The following XPO1 variants were observed in gnomAD, a reference collection of about 807,000 sequenced individuals.
XPO1 encodes the protein exportin-1.
A neutral mutation model predicts 133.3 loss-of-function variants in XPO1; 5 were observed. The ratio of observed to expected loss-of-function variants is 0.04; its 90% confidence interval spans 0.02 to 0.08. The LOEUF (loss-of-function observed/expected upper bound fraction) is 0.08. XPO1 is among the 10% of genes least tolerant of loss of function. XPO1 has a pLI of 1.00. For synonymous variants in XPO1, 419 were observed against 408.2 expected (o/e 1.03, Z -0.32); for missense variants, 506 against 1,267.5 (o/e 0.40, Z 9.12).
intron 12 of XPO1, 26 bp from the exon 13 acceptor site, chr2:61,493,079 G>A (rs1573130490): frequency 2.0e-6 from 3 of 1,535,458 alleles, no homozygotes; most frequent in Admixed American, 2.4e-5. Flanking sequence ...TATCAATCAA[G>A]AAAAAAATCG....
At chr2:61,525,329 T>C in intron 3 of XPO1, 2 of 986,924 alleles carry the variant, frequency 2.0e-6, no homozygotes, top group Non-Finnish European at 2.4e-6. Context: ...ACACCCCTTT[T>C]CTTCCTATTA....
intron 4 of XPO1, among the ~76,000 whole-genome samples, chr2:61,506,914 C>T (rs1045136885): frequency 1.3e-5 from 2 of 151,992 alleles, no homozygotes; most frequent in South Asian, 4.1e-4. Context: ...TTTCTAAGCT[C>T]TTCCTTAAAA....
At chr2:61,530,414 A>G (rs1699097741) in intron 2 of XPO1, among the ~76,000 whole-genome samples, 1 of 152,166 alleles carries the variant, frequency 6.6e-6, no homozygotes. Flanking sequence ...AAAGCAAACT[A>G]AAGAGAGAAA....
chr2:61,489,190 C>T (rs767382228), intron 17 of XPO1, among the ~76,000 whole-genome samples: 1 of 151,840 alleles, frequency 6.6e-6, no homozygotes, highest in East Asian at 2.0e-4. Flanking sequence ...GAGTCGGGTG[C>T]ATCACCTGAG....
At position 61,483,859 on chromosome 2, in the gene XPO1, T is replaced by C. The variant is rs1048087126; in HGVS notation, c.2677+78A>G. 6.0e-6 allele frequency: 9 copies of C among 1,497,306 alleles called. No individual in the cohort carries two copies. The African/African-American group carries it at 8.4e-5, about 14-fold the overall frequency. 92.8% of individuals were successfully genotyped at this position (1,497,306 alleles called of 1,614,324 possible). A position where few individuals can be genotyped will look rare whatever the true frequency, so the allele number is the denominator to read the frequency against. On this transcript the variant is annotated intron_variant, in intron 21 of 24. Coordinates refer to ENST00000401558, the MANE Select transcript of XPO1 (RefSeq NM_003400.4). ...CACACTCAAAACTCTGAACAAGTAA[T>C]ACCTTCCTATGTACAATTAACTATA...
intron 4 of XPO1, among the ~76,000 whole-genome samples, chr2:61,515,543 T>G (rs1698331147): frequency 6.6e-6 from 1 of 152,204 alleles, no homozygotes; most frequent in East Asian, 1.9e-4. Context: ...AACCCACTAC[T>G]TACTCATACT....
At chr2:61,533,375 CAACT>C (rs1699240819) in intron 2 of XPO1, among the ~76,000 whole-genome samples, 1 of 152,128 alleles carries the variant, frequency 6.6e-6, no homozygotes. Context: ...GCACAAAATT[CAACT>C]AACATAAAAA....
intron 4 of XPO1, among the ~76,000 whole-genome samples, chr2:61,503,753 G>A (rs972889666): frequency 6.6e-6 from 1 of 151,672 alleles, no homozygotes; most frequent in Admixed American, 6.6e-5. Context: ...TTTTTATAGA[G>A]ACATGTTTTC....
chr2:61,490,111 A>C (rs113568808), intron 17 of XPO1, among the ~76,000 whole-genome samples: 1,617 of 146,516 alleles, frequency 0.011, 27 homozygotes, highest in African/African-American at 0.039. Context: ...GGATGGTCTC[A>C]ATCTCCTGAC....
In XPO1 at chr2:61,478,578, A is replaced by T; in HGVS notation, c.*242T>A. 1 of 435,696 alleles carries T rather than the reference A, an allele frequency of 2.3e-6. No individual in the cohort carries two copies. Among genetic ancestry groups the T allele is most frequent in the Non-Finnish European group, 3.9e-6 (1 of 256,766 alleles). The allele number at this position is 435,696 out of a possible 1,614,324, so 27.0% of individuals were successfully genotyped here. A position where few individuals can be genotyped will look rare whatever the true frequency, so the allele number is the denominator to read the frequency against. The stretch of plus-strand genomic sequence containing the variant: ...AGCCACAAAAATGGGCATGAAGTAA[A>T]ATTTTTAAAAATGCCTTAATTTTCA... On this transcript the variant is annotated 3_prime_UTR_variant, in exon 25 of 25. Coordinates refer to ENST00000401558, the MANE Select transcript of XPO1 (RefSeq NM_003400.4).
chr2:61,527,431 C>T (rs182234913), intron 2 of XPO1, among the ~76,000 whole-genome samples: 2 of 151,928 alleles, frequency 1.3e-5, no homozygotes, highest in Middle Eastern at 3.4e-3. Flanking sequence ...AAGGTTGCAC[C>T]GAGCTATGAT....
intron 4 of XPO1, among the ~76,000 whole-genome samples, chr2:61,518,174 GC>G (rs1213331285): frequency 4.6e-5 from 7 of 151,300 alleles, no homozygotes; most frequent in Non-Finnish European, 1.0e-4. Flanking sequence ...GATCACTGGA[GC>G]CCAGGAGTTC....
intron 6 of XPO1, among the ~76,000 whole-genome samples, chr2:61,500,579 A>G (rs1263639007): frequency 4.3e-5 from 2 of 46,110 alleles, no homozygotes; most frequent in African/African-American, 1.5e-4. Flanking sequence ...ACTCCATCTC[A>G]AAAAAAAAAA....
chr2:61,498,175 C>T (rs571422935), intron 9 of XPO1, among the ~76,000 whole-genome samples: 18 of 152,176 alleles, frequency 1.2e-4, no homozygotes, highest in Non-Finnish European at 2.5e-4. Context: ...TGGCTCACTG[C>T]ACCTTCTGCC....
At chr2:61,481,692 G>A (rs539877993) in intron 23 of XPO1, among the ~76,000 whole-genome samples, 4 of 151,860 alleles carry the variant, frequency 2.6e-5, no homozygotes, top group Admixed American at 6.6e-5. Flanking sequence ...TAATCTGCCC[G>A]CCTAGGCCTC....
At chr2:61,501,606 C>A (rs1483129641) in intron 6 of XPO1, among the ~76,000 whole-genome samples, 2 of 151,538 alleles carry the variant, frequency 1.3e-5, no homozygotes, top group Non-Finnish European at 2.9e-5. Flanking sequence ...ACCCGTAATT[C>A]CAGCCACTCA....
intron 17 of XPO1, 55 bp downstream of exon 17, chr2:61,490,587 G>A: frequency 6.2e-7 from 1 of 1,608,272 alleles, no homozygotes. Context: ...CATTTGTAAA[G>A]AACACGTCTT....
intron 19 of XPO1, among the ~76,000 whole-genome samples, chr2:61,487,043 C>T (rs556594009): frequency 1.3e-5 from 2 of 150,378 alleles, no homozygotes; most frequent in African/African-American, 4.9e-5. Flanking sequence ...GGTGCAATGG[C>T]GCAATCTTGG....
intron 4 of XPO1, among the ~76,000 whole-genome samples, chr2:61,513,362 T>G (rs964223950): frequency 1.2e-5 from 1 of 84,070 alleles, no homozygotes; most frequent in African/African-American, 4.8e-5. Context: ...GTACAGAATA[T>G]CTTTTTTTTT....
Sources: gnomAD v4.1 joint callset for allele counts (sites outside exome capture counted in the v4.1 genomes callset) on GRCh38, gnomAD v4.1.1 for gene constraint, MANE v1.5 for transcripts, NCBI Gene and HGNC (gene_info 2026-07-23, HGNC 2026-07-21) for gene names.